NCOA3: variants seen among roughly 807,000 people sequenced by gnomAD.
NCOA3 encodes the protein nuclear receptor coactivator 3, also known as CBP-interacting protein.
Under a neutral mutation model 158.8 loss-of-function variants are expected in NCOA3, and 51 were observed. The observed-to-expected ratio is 0.32, with a 90% confidence interval of 0.26 to 0.41. The LOEUF (loss-of-function observed/expected upper bound fraction) is 0.41, where lower values mean the gene tolerates loss of function less well. Among genes scored for constraint, NCOA3 ranks in the 10% least tolerant of loss-of-function variants. The pLI, the probability that NCOA3 is intolerant of heterozygous loss-of-function variation, is 1.00. For synonymous variants in NCOA3, 537 were observed against 592.4 expected, an observed-to-expected ratio of 0.91 and a Z score of 1.36; for missense variants, 1,510 against 1,746.6, an observed-to-expected ratio of 0.86 and a Z score of 2.41.
At chr20:47,515,041 T>A (rs2084210007) in intron 1 of NCOA3, among the ~76,000 whole-genome samples, 2 of 150,978 alleles carry the variant, frequency 1.3e-5, no homozygotes, top group Admixed American at 6.6e-5. Context: ...AAAAAAAAAA[T>A]TCTACAGCAA....
chr20:47,539,053 T>G (rs2084681238), intron 1 of NCOA3, among the ~76,000 whole-genome samples: 1 of 152,242 alleles, frequency 6.6e-6, no homozygotes, highest in Admixed American at 6.5e-5. Flanking sequence ...GTGGTTTGCC[T>G]GAGTTGTGTT....
chr20:47,594,293 A>T (rs1242998662), intron 2 of NCOA3, among the ~76,000 whole-genome samples: 4 of 152,206 alleles, frequency 2.6e-5, no homozygotes, highest in African/African-American at 9.6e-5. Flanking sequence ...ATCAGATTCT[A>T]CATTACGGAA....
At chr20:47,593,371 C>T (rs1476150549) in intron 2 of NCOA3, among the ~76,000 whole-genome samples, 1 of 92,604 alleles carries the variant, frequency 1.1e-5, no homozygotes, top group Non-Finnish European at 1.9e-5. Context: ...TTGAGACAGT[C>T]TCGCTCTGTT....
chr20:47,554,623 T>G (rs538990981), intron 1 of NCOA3, among the ~76,000 whole-genome samples: 5 of 151,716 alleles, frequency 3.3e-5, no homozygotes, highest in African/African-American at 1.2e-4. Context: ...TCAAAGAGAA[T>G]AAAATACCTA....
At chr20:47,559,848 C>T (rs1395025636) in intron 1 of NCOA3, among the ~76,000 whole-genome samples, 2 of 152,094 alleles carry the variant, frequency 1.3e-5, no homozygotes, top group Non-Finnish European at 2.9e-5. Context: ...GACAGGGTCT[C>T]ACTGTGTTGC....
chr20:47,533,345 A>G (rs938874423), intron 1 of NCOA3, among the ~76,000 whole-genome samples: 1 of 151,116 alleles, frequency 6.6e-6, no homozygotes, highest in South Asian at 2.1e-4. Flanking sequence ...TTCAAATTAA[A>G]GCATTTCTTT....
At chr20:47,585,046 C>CTTTTTTTTT (rs11473989) in intron 2 of NCOA3, among the ~76,000 whole-genome samples, 18 of 91,314 alleles carry the variant, frequency 2.0e-4, no homozygotes, top group East Asian at 3.4e-4. Flanking sequence ...CCTTTCTTAA[C>CTTTTTTTTT]TTTTTTTTTT....
chr20:47,574,002 AC>A (rs3091911), intron 1 of NCOA3, among the ~76,000 whole-genome samples: 35,165 of 152,120 alleles, frequency 0.23, 4,249 homozygotes, highest in Middle Eastern at 0.28. Flanking sequence ...TTGAGATCTA[AC>A]ACCATTTGTT....
intron 2 of NCOA3, among the ~76,000 whole-genome samples, chr20:47,590,759 C>T (rs1003846757): frequency 3.9e-5 from 6 of 151,996 alleles, no homozygotes; most frequent in South Asian, 2.1e-4. Flanking sequence ...CTCAGTGAGC[C>T]GTGATCGCAC....
chr20:47,627,750 G>GT lies in NCOA3; in HGVS notation c.721+2dup. On this transcript the variant is annotated splice_donor_variant, in intron 7 of 22. Coordinates refer to ENST00000371998, the MANE Select transcript of NCOA3 (RefSeq NM_181659.3). LOFTEE classifies it high-confidence loss of function. ...CGAGCTATGATGGAGGAAGGGGAAG[G>GT]TAAGAGCTATTATATGTTTGTGATG... The GT allele has an allele frequency of 6.2e-7, 1 of 1,612,614 alleles. No individual in the cohort carries two copies. The highest frequency in any genetic ancestry group is 1.1e-5 in the South Asian group (1 of 90,654).
In NCOA3 at chr20:47,622,280, G is replaced by T. The variant is rs374364137; in HGVS notation, c.33G>T (p.Leu11=). 35 of 1,607,326 alleles carry T rather than the reference G, an allele frequency of 2.2e-5. 1 individual carries two copies. The highest frequency in any genetic ancestry group is 2.7e-5 in the Non-Finnish European group (32 of 1,177,492). The part of the protein sequence containing the change: MSGLGENLDP[L]ASDSRKRKLP... The stretch of plus-strand genomic sequence containing the variant: ...GATTAGGAGAAAACTTGGATCCACT[G>T]GCCAGTGATTCACGAAAACGCAAAT... The change falls in exon 3 of 23, where the codon CTG becomes CTT. Residue 11 remains leucine, a synonymous_variant. Transcript: ENST00000371998.
At chr20:47,647,013 A>C in intron 17 of NCOA3, 60 bp from the exon 18 acceptor site, 2 of 1,510,160 alleles carry the variant, frequency 1.3e-6, no homozygotes, top group Non-Finnish European at 1.8e-6. Flanking sequence ...TCTTTAGAGC[A>C]TTTGACTTCT....
chr20:47,611,294 T>C (rs2146278229), intron 2 of NCOA3, among the ~76,000 whole-genome samples: 2 of 152,344 alleles, frequency 1.3e-5, no homozygotes, highest in East Asian at 3.9e-4. Flanking sequence ...CTCTTCTTTA[T>C]CCAGTTCTTT....
At position 47,511,550 on chromosome 20, in the gene NCOA3, T is replaced by TATATATATATATATATATATAC; in HGVS notation, c.-99+9537_-99+9538insATATATATATATATACATATAT. ...ATATATATATATATATATATATATATATATATTTCTTTTTTTTTTTGAGAC... is the reference window on the plus strand; with the variant it reads ...ATATATATATATATATATATATATATATATATATATATATATATATACATATATTTCTTTTTTTTTTTGAGAC... On this transcript the variant is annotated intron_variant, in intron 1 of 22. Coordinates refer to ENST00000371998, the MANE Select transcript of NCOA3 (RefSeq NM_181659.3). Among the ~76,000 whole-genome samples the TATATATATATATATATATATAC allele has an allele frequency of 1.9e-3, 99 of 52,248 alleles. 1 individual carries two copies. Among genetic ancestry groups the TATATATATATATATATATATAC allele is most frequent in the Non-Finnish European group, 2.4e-3 (60 of 25,098 alleles). The allele number at this position is 52,248 out of a possible 152,430, so 34.3% of individuals were successfully genotyped here. A position where few individuals can be genotyped will look rare whatever the true frequency, so the allele number is the denominator to read the frequency against.
chr20:47,516,222 A>G (rs563392262), intron 1 of NCOA3, among the ~76,000 whole-genome samples: 1 of 152,142 alleles, frequency 6.6e-6, no homozygotes, highest in South Asian at 2.1e-4. Context: ...GTAGGTACAA[A>G]TGTATCAAGA....
Position 47,655,689 on chromosome 20 carries a change from A to G in NCOA3, c.*2272A>G, listed in dbSNP as rs964192221. The G allele has an allele frequency of 1.0e-4, 16 of 152,576 alleles. No individual in the cohort carries two copies. The highest frequency in any genetic ancestry group is 3.9e-4 in the Admixed American group (6 of 15,284). The allele number at this position is 152,576 out of a possible 1,614,324, so 9.5% of individuals were successfully genotyped here. Reference sequence around the variant, plus strand: ...TCTGTCTCTTTTTCAGCTCAATTGTATCTGACCCTTCTTTAAGTTATGTGT... The same window carrying G: ...TCTGTCTCTTTTTCAGCTCAATTGTGTCTGACCCTTCTTTAAGTTATGTGT... On this transcript the variant is annotated 3_prime_UTR_variant, in exon 23 of 23. Transcript: ENST00000371998.
At chr20:47,510,200 A>G (rs1396798803) in intron 1 of NCOA3, among the ~76,000 whole-genome samples, 2 of 152,238 alleles carry the variant, frequency 1.3e-5, no homozygotes, top group East Asian at 3.9e-4. Flanking sequence ...TGGGAGGCCA[A>G]GATGAGTGGA....
At chr20:47,531,398 G>T (rs1284487974) in intron 1 of NCOA3, among the ~76,000 whole-genome samples, 1 of 152,106 alleles carries the variant, frequency 6.6e-6, no homozygotes, top group African/African-American at 2.4e-5. Flanking sequence ...ATATATAAAT[G>T]AACCTTTAAA....
chr20:47,558,232 ATTTTTTTTTTTTTTTT>A (rs71183263), intron 1 of NCOA3, among the ~76,000 whole-genome samples: 1 of 55,536 alleles, frequency 1.8e-5, no homozygotes, highest in Non-Finnish European at 3.4e-5. Flanking sequence ...CTAATTTTGT[ATTTTTTTTTTTTTTTT>A]TTTTTTTTTT....
Sources: gnomAD v4.1 joint callset for allele counts (sites outside exome capture counted in the v4.1 genomes callset) on GRCh38, gnomAD v4.1.1 for gene constraint, MANE v1.5 for transcripts, NCBI Gene and HGNC (gene_info 2026-07-23, HGNC 2026-07-21) for gene names.